ROBO2: variants seen among roughly 807,000 people sequenced by gnomAD.
ROBO2 encodes the protein roundabout homolog 2.
A neutral mutation model predicts 160.8 loss-of-function variants in ROBO2; 53 were observed. That is an observed-to-expected ratio of 0.33 (90% confidence interval 0.26 to 0.41). The LOEUF (loss-of-function observed/expected upper bound fraction) is 0.41, where lower values mean the gene tolerates loss of function less well. Among genes scored for constraint, ROBO2 ranks in the 10% least tolerant of loss-of-function variants. The probability of loss-of-function intolerance (pLI) is 1.00; values close to 1 mark genes in which losing one functional copy is unlikely to be tolerated. For missense variants in ROBO2, 1,577 were observed against 1,722.4 expected, an observed-to-expected ratio of 0.92 and a Z score of 1.49; for synonymous variants, 664 against 611.7, an observed-to-expected ratio of 1.09 and a Z score of -1.26.
chr3:76,632,394 C>A (rs994354477), intron 2 of ROBO2, among the ~76,000 whole-genome samples: 1 of 152,156 alleles, frequency 6.6e-6, no homozygotes, highest in Non-Finnish European at 1.5e-5. Context: ...AAGGAAGGGT[C>A]TCAAGCCTTA....
At chr3:76,066,333 TA>T (rs1159543545) in intron 2 of ROBO2, among the ~76,000 whole-genome samples, 1 of 152,126 alleles carries the variant, frequency 6.6e-6, no homozygotes, top group African/African-American at 2.4e-5. Flanking sequence ...TACACCAATT[TA>T]TAACTTAGAA....
chr3:77,216,759 A>G (rs929298184), intron 2 of ROBO2, among the ~76,000 whole-genome samples: 2 of 152,232 alleles, frequency 1.3e-5, no homozygotes, highest in African/African-American at 4.8e-5. Context: ...ATGCAAAAGT[A>G]ATTTAATATT....
At chr3:77,074,275 T>G (rs942422072) in intron 1 of ROBO2, among the ~76,000 whole-genome samples, 1 of 152,180 alleles carries the variant, frequency 6.6e-6, no homozygotes, top group Non-Finnish European at 1.5e-5. Context: ...TCTCCAGAAG[T>G]GTTAACTTGC....
intron 5 of ROBO2, among the ~76,000 whole-genome samples, chr3:77,497,052 A>T (rs1360711638): frequency 6.6e-6 from 1 of 152,098 alleles, no homozygotes; most frequent in Non-Finnish European, 1.5e-5. Context: ...AATAACCCTT[A>T]TGCTCAACTA....
At chr3:76,597,113 T>C (rs1029059094) in intron 2 of ROBO2, among the ~76,000 whole-genome samples, 1 of 151,958 alleles carries the variant, frequency 6.6e-6, no homozygotes, top group African/African-American at 2.4e-5. Flanking sequence ...AAACAGTGAG[T>C]CAAATGTCAA....
intron 2 of ROBO2, among the ~76,000 whole-genome samples, chr3:77,394,037 T>A (rs1336707072): frequency 6.6e-6 from 1 of 152,148 alleles, no homozygotes; most frequent in Non-Finnish European, 1.5e-5. Context: ...GAGTGAACCC[T>A]CATAACTGCT....
intron 2 of ROBO2, among the ~76,000 whole-genome samples, chr3:76,381,758 T>G (rs958691123): frequency 6.6e-6 from 1 of 152,164 alleles, no homozygotes; most frequent in African/African-American, 2.4e-5. Flanking sequence ...ATAAGGCATG[T>G]GCTTTTATTA....
chr3:76,316,449 G>A (rs549319844), intron 2 of ROBO2, among the ~76,000 whole-genome samples: 6 of 152,082 alleles, frequency 3.9e-5, no homozygotes, highest in Non-Finnish European at 8.8e-5. Context: ...AGAAAAATAT[G>A]GCTGTATTCT....
chr3:76,410,093 A>AT (rs1310216802), intron 2 of ROBO2, among the ~76,000 whole-genome samples: 2 of 151,926 alleles, frequency 1.3e-5, no homozygotes, highest in Non-Finnish European at 2.9e-5. Flanking sequence ...ATCTCAGTGT[A>AT]TTTTTTTCTT....
chr3:77,305,761 A>T (rs72895197), intron 2 of ROBO2, among the ~76,000 whole-genome samples: 6,182 of 152,276 alleles, frequency 0.041, 426 homozygotes, highest in African/African-American at 0.14. Flanking sequence ...ATTTTGAAAA[A>T]TAATCAGACT....
intron 2 of ROBO2, among the ~76,000 whole-genome samples, chr3:76,555,411 GAAGAAGAA>G (rs2083694998): frequency 5.6e-5 from 4 of 72,030 alleles, no homozygotes; most frequent in African/African-American, 1.2e-4. Flanking sequence ...AGAAGAAGAA[GAAGAAGAA>G]AGAAGGAGAA....
intron 2 of ROBO2, among the ~76,000 whole-genome samples, chr3:77,018,163 C>T (rs567635932): frequency 5.9e-5 from 9 of 152,230 alleles, no homozygotes; most frequent in African/African-American, 2.2e-4. Context: ...AGTGCAGTGG[C>T]GCAATCTCAG....
intron 2 of ROBO2, among the ~76,000 whole-genome samples, chr3:76,657,624 G>GTA (rs1245655869): frequency 1.6e-5 from 1 of 60,768 alleles, no homozygotes; most frequent in South Asian, 6.0e-4. Context: ...ATATATATGT[G>GTA]TATATATATT....
rs569040960 is a variant in ROBO2 at position 76,881,997 on chromosome 3, C to T, written c.110-216017C>T. Among the ~76,000 whole-genome samples, 317 of 136,784 alleles carry T rather than the reference C, an allele frequency of 2.3e-3. 1 individual carries two copies. Among genetic ancestry groups the T allele is most frequent in the African/African-American group, 8.2e-3 (303 of 37,032 alleles). 89.7% of individuals were successfully genotyped at this position (136,784 alleles called of 152,430 possible). On this transcript the variant is annotated intron_variant, in intron 2 of 26. Transcript: ENST00000487694. ...GTTGGTTTTGTGTGTGTGTGTGTGT[C>T]TGTTGGGTGGTAGTTTGGTTGTGTG...
At chr3:77,020,471 A>G (rs1378205902) in intron 2 of ROBO2, among the ~76,000 whole-genome samples, 5 of 152,210 alleles carry the variant, frequency 3.3e-5, no homozygotes, top group Non-Finnish European at 7.3e-5. Context: ...GCAAATGCTT[A>G]AATACTAATG....
At chr3:77,123,335 A>G (rs565420449) in intron 2 of ROBO2, among the ~76,000 whole-genome samples, 1 of 152,318 alleles carries the variant, frequency 6.6e-6, no homozygotes, top group African/African-American at 2.4e-5. Context: ...TTTCTGCAGC[A>G]GTTTCCAGGA....
chr3:77,144,055 C>T (rs1345664931), intron 2 of ROBO2, among the ~76,000 whole-genome samples: 1 of 152,128 alleles, frequency 6.6e-6, no homozygotes, highest in Non-Finnish European at 1.5e-5. Flanking sequence ...TCCGATCTTA[C>T]CTTATTTAGA....
intron 2 of ROBO2, among the ~76,000 whole-genome samples, chr3:77,279,086 T>C (rs1407694970): frequency 6.6e-6 from 1 of 152,118 alleles, no homozygotes; most frequent in Admixed American, 6.5e-5. Context: ...TTATTTGTTG[T>C]TGTGAGATGT....
chr3:76,276,856 C>T (rs1707954606), intron 2 of ROBO2, among the ~76,000 whole-genome samples: 1 of 151,772 alleles, frequency 6.6e-6, no homozygotes. Context: ...CCATGATTTC[C>T]AGAAATATTT....
Sources: gnomAD v4.1 joint callset for allele counts (sites outside exome capture counted in the v4.1 genomes callset) on GRCh38, gnomAD v4.1.1 for gene constraint, MANE v1.5 for transcripts, NCBI Gene and HGNC (gene_info 2026-07-23, HGNC 2026-07-21) for gene names.